The following OSBP2 variants were observed in gnomAD, a reference collection of about 807,000 sequenced individuals.
OSBP2 encodes oxysterol binding protein 2.
OSBP2 carries 66 observed loss-of-function variants against 96.0 expected under a neutral mutation model. The ratio of observed to expected loss-of-function variants is 0.69; its 90% CI spans 0.56 to 0.84. OSBP2 has a LOEUF of 0.84. Among genes scored for constraint, OSBP2 ranks in the 40% least tolerant of loss-of-function variants. The pLI, the probability that OSBP2 is intolerant of heterozygous loss-of-function variation, is 0.00. For synonymous variants in OSBP2, 525 were observed against 520.9 expected, an observed-to-expected ratio of 1.01 and a Z score of -0.11; for missense variants, 1,038 against 1,222.7, an observed-to-expected ratio of 0.85 and a Z score of 2.25.
intron 12 of OSBP2, among the ~76,000 whole-genome samples, chr22:30,903,053 G>A (rs1308668071): frequency 3.3e-5 from 5 of 152,118 alleles, no homozygotes; most frequent in African/African-American, 9.7e-5. Flanking sequence ...CTCCCAGCTC[G>A]TTTTCCTAGC....
chr22:30,888,129 G>T, intron 4 of OSBP2, 94 bp from the exon 5 acceptor site: 1 of 826,748 alleles, frequency 1.2e-6, no homozygotes, highest in Non-Finnish European at 2.1e-6. Flanking sequence ...AGTGAGGCCA[G>T]ATGGGGGTTG....
chr22:30,745,202 C>T (rs1569106434), intron 2 of OSBP2, among the ~76,000 whole-genome samples: 1 of 151,812 alleles, frequency 6.6e-6, no homozygotes, highest in Non-Finnish European at 1.5e-5. Flanking sequence ...ATCTAATCCT[C>T]ATTTGTGTGC....
chr22:30,745,674 A>C (rs1201397670), intron 2 of OSBP2, among the ~76,000 whole-genome samples: 1 of 148,448 alleles, frequency 6.7e-6, no homozygotes, highest in Non-Finnish European at 1.5e-5. Flanking sequence ...CTCAAAAAAA[A>C]AAAAAAAAAA....
rs1184731536 is a variant in OSBP2, at chr22:30,907,699, G to A, written c.*1360G>A. Reference sequence around the variant, plus strand: ...AATGCCCACTGGAGAGGCGGGGCGGGGTGGGGCAGGATGGCCCCACTGGGG... The same window carrying A: ...AATGCCCACTGGAGAGGCGGGGCGGAGTGGGGCAGGATGGCCCCACTGGGG... On this transcript the variant is annotated 3_prime_UTR_variant, in exon 14 of 14. Coordinates refer to ENST00000332585, the MANE Select transcript of OSBP2 (RefSeq NM_030758.4). 1.3e-5 allele frequency: 2 copies of A among 152,622 alleles called. No individual in the cohort carries two copies. Among genetic ancestry groups the A allele is most frequent in the African/African-American group, 4.8e-5 (2 of 41,444 alleles). 9.5% of individuals were successfully genotyped at this position (152,622 alleles called of 1,614,324 possible).
At chr22:30,859,348 A>G (rs2039158677) in intron 2 of OSBP2, among the ~76,000 whole-genome samples, 1 of 152,258 alleles carries the variant, frequency 6.6e-6, no homozygotes, top group Admixed American at 6.5e-5. Flanking sequence ...GCCTTGAGAC[A>G]GGTGTTTGCA....
At chr22:30,714,276 A>G (rs2089408245) in intron 1 of OSBP2, among the ~76,000 whole-genome samples, 1 of 152,146 alleles carries the variant, frequency 6.6e-6, no homozygotes, top group East Asian at 1.9e-4. Flanking sequence ...TCCATTGTGT[A>G]TATATACCAC....
At chr22:30,857,076 A>C (rs1369004689) in intron 2 of OSBP2, among the ~76,000 whole-genome samples, 1 of 152,192 alleles carries the variant, frequency 6.6e-6, no homozygotes, top group Non-Finnish European at 1.5e-5. Context: ...TCTCCTTTGC[A>C]AAAACTGCTT....
chr22:30,726,518 T>C (rs1412155287), intron 1 of OSBP2, among the ~76,000 whole-genome samples: 1 of 152,022 alleles, frequency 6.6e-6, no homozygotes, highest in Non-Finnish European at 1.5e-5. Context: ...TTAGGACAAA[T>C]ACCTAATGCA....
chr22:30,695,251 A>G lies in OSBP2; in HGVS notation c.342A>G (p.Val114=). ...CGGGGTCAGAGTCAAGCTCAGGTGTAGGGGCTGGGCCCTTCACTAAGGCCG... is the reference window on the plus strand; with the variant it reads ...CGGGGTCAGAGTCAAGCTCAGGTGTGGGGGCTGGGCCCTTCACTAAGGCCG... The part of the protein sequence containing the change: ...SRPGSESSSG[V]GAGPFTKAAS... The change falls in exon 1 of 14, where the codon GTA becomes GTG. Residue 114 remains valine (V), a synonymous_variant. Transcript: ENST00000332585. 6.2e-7 allele frequency: 1 copy of G among 1,613,532 alleles called. No homozygotes were observed. Among genetic ancestry groups the G allele is most frequent in the African/African-American group, 1.3e-5 (1 of 75,058 alleles).
chr22:30,785,201 A>G (rs1277864979), intron 2 of OSBP2, among the ~76,000 whole-genome samples: 1 of 152,168 alleles, frequency 6.6e-6, no homozygotes, highest in Non-Finnish European at 1.5e-5. Context: ...TTAATTGTAG[A>G]TTTAAACTTT....
intron 1 of OSBP2, among the ~76,000 whole-genome samples, chr22:30,712,505 C>T (rs534706181): frequency 6.6e-6 from 1 of 152,198 alleles, no homozygotes; most frequent in South Asian, 2.1e-4. Context: ...AGAATCCTCT[C>T]TCATCCTTTT....
In OSBP2 at chr22:30,788,526, G is replaced by A. The variant is rs561289787; in HGVS notation, c.853+47157G>A. 1.8e-4 allele frequency among the ~76,000 whole-genome samples: 28 copies of A among 152,244 alleles called. No homozygotes were observed. The South Asian group carries it at 4.2e-3, about 23-fold the overall frequency. On this transcript the variant is annotated intron_variant, in intron 2 of 13. Coordinates refer to ENST00000332585, the MANE Select transcript of OSBP2 (RefSeq NM_030758.4). The stretch of plus-strand genomic sequence containing the variant: ...GATTTAATCTGACAGATACAAAAAG[G>A]AGCACAAAATGATTTTGCTGTGGCC...
At chr22:30,827,803 A>G (rs935641388) in intron 2 of OSBP2, among the ~76,000 whole-genome samples, 2 of 152,168 alleles carry the variant, frequency 1.3e-5, no homozygotes, top group African/African-American at 2.4e-5. Flanking sequence ...ATAAGGGGAA[A>G]GTGGGAAGCC....
chr22:30,786,965 A>AT (rs1338384414), intron 2 of OSBP2, among the ~76,000 whole-genome samples: 3 of 151,878 alleles, frequency 2.0e-5, no homozygotes, highest in Non-Finnish European at 4.4e-5. Flanking sequence ...CACCAGGCTA[A>AT]TTTTTTGTAT....
chr22:30,847,141 A>G (rs1320801005), intron 2 of OSBP2, among the ~76,000 whole-genome samples: 1 of 151,412 alleles, frequency 6.6e-6, no homozygotes, highest in African/African-American at 2.4e-5. Flanking sequence ...CCATACCCAG[A>G]TAATTTTTGT....
intron 2 of OSBP2, among the ~76,000 whole-genome samples, chr22:30,824,400 A>AG (rs201847077): frequency 6.6e-6 from 1 of 152,092 alleles, no homozygotes; most frequent in Non-Finnish European, 1.5e-5. Context: ...CGGAGACCCT[A>AG]GGGGGGAATA....
At chr22:30,901,647 C>T (rs950126390) in intron 12 of OSBP2, among the ~76,000 whole-genome samples, 13 of 151,812 alleles carry the variant, frequency 8.6e-5, no homozygotes, top group African/African-American at 3.1e-4. Context: ...GGTGGAACAC[C>T]TGAGGTCAGG....
chr22:30,819,644 A>G (rs1843710139), intron 2 of OSBP2, among the ~76,000 whole-genome samples: 1 of 152,228 alleles, frequency 6.6e-6, no homozygotes, highest in African/African-American at 2.4e-5. Context: ...ATTGTGACTT[A>G]TAGTGTAAAA....
At position 30,870,050 on chromosome 22, in the gene OSBP2, G is replaced by A. The variant is rs2039426271; in HGVS notation, c.854-379G>A. On this transcript the variant is annotated intron_variant, in intron 2 of 13. Coordinates refer to ENST00000332585, the MANE Select transcript of OSBP2 (RefSeq NM_030758.4). This position sits in a 1 kb window ranked among gnomAD's most constrained non-coding sequence, Gnocchi z 4.1. ...CATTCTGGGGGCCTCTGTGCCCAGA[G>A]AGCAGTCTCCACCTCTCCACCCAGC... Among the ~76,000 whole-genome samples, 1 of 152,214 alleles carries A rather than the reference G, an allele frequency of 6.6e-6. No homozygotes were observed. Among genetic ancestry groups the A allele is most frequent in the African/African-American group, 2.4e-5 (1 of 41,454 alleles).
Sources: gnomAD v4.1 joint callset for allele counts (sites outside exome capture counted in the v4.1 genomes callset) on GRCh38, gnomAD v4.1.1 for gene constraint, Gnocchi (gnomAD v3.1) non-coding constraint, MANE v1.5 for transcripts, NCBI Gene and HGNC (gene_info 2026-07-23, HGNC 2026-07-21) for gene names.